NAGK: variants seen among roughly 807,000 people sequenced by gnomAD.
NAGK encodes the protein N-acetyl-D-glucosamine kinase.
In NAGK, 35 loss-of-function variants were observed where a neutral mutation model predicts 42.9. The observed-to-expected ratio is 0.82, with a 90% CI of 0.62 to 1.08. The LOEUF is 1.08. Ranked by LOEUF, NAGK falls within the 50% of genes least tolerant of loss-of-function variation. The pLI, the probability that NAGK is intolerant of heterozygous loss-of-function variation, is 0.00. For missense variants in NAGK, 446 were observed against 446.0 expected (o/e 1.00, Z 0.00); for synonymous variants, 172 against 176.0 (o/e 0.98, Z 0.18).
At chr2:71,068,303 T>C (rs935896039), upstream of NAGK, 1 of 468,680 alleles carries the variant, frequency 2.1e-6, no homozygotes, top group Non-Finnish European at 3.6e-6. Flanking sequence ...AACGCGGGAC[T>C]GCCAGCAACT....
chr2:71,070,445 T>C (rs1358144927), intron 1 of NAGK, 57 bp from the exon 2 acceptor site: 4 of 1,483,248 alleles, frequency 2.7e-6, no homozygotes, highest in Non-Finnish European at 3.8e-6. Context: ...CAGCACAAGC[T>C]TAGCTCTCTC....
In NAGK at chr2:71,073,493, G is replaced by A. The variant is rs183509027; in HGVS notation, c.478G>A (p.Ala160Thr). The change falls in exon 6 of 10, where the codon GCA becomes ACA. Residue 160 changes from alanine (A) to threonine (T), a missense_variant. Transcript: ENST00000244204. ...TCTGCTCCCTGCAGCCTACTGGATC[G>A]CACACCAAGCAGTGAAAATAGTGTT... ...MGDEGSAYWI[A>T]HQAVKIVFDS... The A allele has an allele frequency of 8.3e-5, 134 of 1,613,616 alleles. No homozygotes were observed. Among genetic ancestry groups the A allele is most frequent in the Non-Finnish European group, 1.1e-4 (128 of 1,179,604 alleles).
At chr2:71,076,337 C>T in intron 7 of NAGK, 1 of 358,762 alleles carries the variant, frequency 2.8e-6, no homozygotes, top group East Asian at 6.4e-5. Flanking sequence ...CAGTGCATTC[C>T]TTTAGTGGGT....
chr2:71,070,500 A>AG lies in NAGK; in HGVS notation c.32dup. The AG allele has an allele frequency of 6.2e-7, 1 of 1,613,136 alleles. No homozygotes were observed. The highest frequency in any genetic ancestry group is 8.5e-7 in the Non-Finnish European group (1 of 1,179,352). ...GATCAAGTGCCCTCTTGTGTTCTGT[A>AG]GGGGAGGCACACGATCCGAGGTCCT... On this transcript the variant is annotated splice_acceptor_variant, in intron 1 of 9. Transcript: ENST00000244204. LOFTEE classifies it high-confidence loss of function.
At chr2:71,076,170 G>A (rs751541898) in intron 7 of NAGK, 12 of 181,830 alleles carry the variant, frequency 6.6e-5, no homozygotes, top group Non-Finnish European at 1.0e-4. Context: ...AAAGAAGCAG[G>A]AACAGGCTAA....
Position 71,070,468 on chromosome 2 carries a change from C to A in NAGK, c.30-34C>A, listed in dbSNP as rs41285971. On this transcript the variant is annotated intron_variant, in intron 1 of 9. Coordinates refer to ENST00000244204, the MANE Select transcript of NAGK (RefSeq NM_017567.6). The stretch of plus-strand genomic sequence containing the variant: ...GCTTAGCTCTCTCTGTGGGTTTTTC[C>A]GAGCAAGATCAAGTGCCCTCTTGTG... The A allele has an allele frequency of 4.4e-6, 7 of 1,585,168 alleles. 1 individual carries two copies. In the South Asian group the frequency reaches 7.8e-5, roughly 18 times the overall value.
intron 3 of NAGK, 106 bp downstream of exon 3, chr2:71,070,945 A>G: frequency 1.8e-6 from 2 of 1,133,952 alleles, no homozygotes; most frequent in Middle Eastern, 2.0e-4. Flanking sequence ...GACCTCCAAG[A>G]CTTAGTCCCT....
chr2:71,072,845 T>G (rs1280234468), intron 5 of NAGK, 94 bp downstream of exon 5: 2 of 1,079,870 alleles, frequency 1.9e-6, no homozygotes, highest in Admixed American at 2.0e-5. Context: ...ACTGAGCCCT[T>G]GGGGCTTCCT....
At chr2:71,077,504 C>A in intron 8 of NAGK, 54 bp from the exon 9 acceptor site, 1 of 1,541,432 alleles carries the variant, frequency 6.5e-7, no homozygotes, top group Middle Eastern at 1.7e-4. Context: ...CTCCCGCCTT[C>A]AGCACTGGAG....
chr2:71,068,823 G>A, intron 1 of NAGK, 111 bp downstream of exon 1: 3 of 1,404,136 alleles, frequency 2.1e-6, no homozygotes, highest in Non-Finnish European at 2.8e-6. Flanking sequence ...TTTGGGCGGC[G>A]GGACCTTGCG....
Sources: allele counts gnomAD v4.1 joint callset, GRCh38; gene constraint gnomAD v4.1.1; transcripts MANE v1.5; gene names NCBI Gene and HGNC (gene_info 2026-07-23, HGNC 2026-07-21).